ST3GAL4: variants seen among roughly 807,000 people sequenced by gnomAD.
ST3GAL4 encodes ST3 beta-galactoside alpha-2,3-sialyltransferase 4, also known as CMP-N-acetylneuraminate-beta-galactosamide-alpha-2,3-sialyltransferase 4.
In ST3GAL4, 24 loss-of-function variants were observed where a neutral mutation model predicts 42.6. The ratio of observed to expected loss-of-function variants is 0.56; its 90% CI spans 0.41 to 0.79. ST3GAL4 has a LOEUF of 0.79. ST3GAL4 is among the 30% of genes least tolerant of loss of function. ST3GAL4 has a pLI of 0.00. For synonymous variants in ST3GAL4, 135 were observed against 163.2 expected (o/e 0.83, Z 1.32); for missense variants, 311 against 430.8 (o/e 0.72, Z 2.46).
At position 126,411,093 on chromosome 11, in the gene ST3GAL4, AC is replaced by A. The variant is rs1213325752; in HGVS notation, c.771+1685del. Among the ~76,000 whole-genome samples the A allele has an allele frequency of 1.3e-5, 2 of 151,940 alleles. No individual in the cohort carries two copies. The highest frequency in any genetic ancestry group is 2.9e-5 in the Non-Finnish European group (2 of 67,972). ...GAGATGAGAGAGGGCGAGGACCTGA[AC>A]CCAGCTCCTGGCAGTGGGAAGGGAA... On this transcript the variant is annotated intron_variant, in intron 9 of 10. Coordinates refer to ENST00000444328, the MANE Select transcript of ST3GAL4 (RefSeq NM_001254757.2). This position sits in a 1 kb window ranked among gnomAD's most constrained non-coding sequence, Gnocchi z 6.3.
Position 126,400,541 on chromosome 11 carries a change from A to G in ST3GAL4, c.-60-5555A>G, listed in dbSNP as rs1953955235. Among the ~76,000 whole-genome samples the G allele has an allele frequency of 6.6e-6, 1 of 152,214 alleles. No individual in the cohort carries two copies. The highest frequency in any genetic ancestry group is 2.4e-5 in the African/African-American group (1 of 41,452). On this transcript the variant is annotated intron_variant, in intron 1 of 10. Coordinates refer to ENST00000444328, the MANE Select transcript of ST3GAL4 (RefSeq NM_001254757.2). This position sits in a 1 kb window ranked among gnomAD's most constrained non-coding sequence, Gnocchi z 4.6. ...CCCTTAGTGTGCTTGGGAGGAGGGT[A>G]AGAGATGCGTTTGCAGTTCTCATGG...
rs1954411802 is a variant in ST3GAL4 at position 126,409,274 on chromosome 11, A to C, written c.634A>C (p.Lys212Gln). 4.3e-6 allele frequency: 7 copies of C among 1,614,086 alleles called. No individual in the cohort carries two copies. Among genetic ancestry groups the C allele is most frequent in the African/African-American group, 1.3e-5 (1 of 74,932 alleles). Residue 212 changes from lysine to glutamine, a missense_variant, in exon 9 of 11, where the codon AAG becomes CAG. By Grantham distance (53) the Lys-to-Gln change is moderately conservative (BLOSUM62 1). Coordinates refer to ENST00000444328, the MANE Select transcript of ST3GAL4 (RefSeq NM_001254757.2). The surrounding 1 kb of genome is among the most constrained non-coding windows in gnomAD (Gnocchi z 4.9). ...TILSDKKRVR[K>Q]GFWKQPPLIW... Reference sequence around the variant, plus strand: ...TCTGACCCCATCCTCCTAGGTGCGAAAGGGTTTCTGGAAACAGCCTCCCCT... The same window carrying C: ...TCTGACCCCATCCTCCTAGGTGCGACAGGGTTTCTGGAAACAGCCTCCCCT...
chr11:126,374,041 C>T (rs1952746576), intron 1 of ST3GAL4, among the ~76,000 whole-genome samples: 3 of 152,006 alleles, frequency 2.0e-5, no homozygotes, highest in African/African-American at 7.2e-5. Flanking sequence ...GCACTATTGT[C>T]AACATGGGTA....
chr11:126,382,640 TG>T, intron 1 of ST3GAL4, among the ~76,000 whole-genome samples: 1 of 152,294 alleles, frequency 6.6e-6, no homozygotes, highest in Admixed American at 6.5e-5. Context: ...GCACTTGGCA[TG>T]ACCCCTGGCA....
At chr11:126,370,441 A>G (rs549966438) in intron 1 of ST3GAL4, among the ~76,000 whole-genome samples, 69 of 152,192 alleles carry the variant, frequency 4.5e-4, no homozygotes, top group African/African-American at 1.6e-3. Flanking sequence ...CTTATTTTTA[A>G]ATTATGTTCC....
At chr11:126,413,903 C>T in intron 10 of ST3GAL4, 58 bp from the exon 11 acceptor site, 2 of 1,597,664 alleles carry the variant, frequency 1.3e-6, no homozygotes, top group Non-Finnish European at 1.7e-6. Context: ...GGAGACTTTC[C>T]TGGGGACAGA....
intron 6 of ST3GAL4, 150 bp downstream of exon 6, chr11:126,407,784 TG>T: frequency 2.2e-6 from 2 of 918,434 alleles, no homozygotes; most frequent in South Asian, 3.2e-5. Context: ...CCTGGGCATC[TG>T]GGTGCAGAGT....
intron 1 of ST3GAL4, chr11:126,403,115 G>A (rs1032032257): frequency 6.5e-6 from 1 of 152,740 alleles, no homozygotes; most frequent in African/African-American, 2.4e-5. Context: ...GCCCTGGAAT[G>A]CCTGGGGCCA....
rs1952738817 is a variant in ST3GAL4 at position 126,373,811 on chromosome 11, G to A, written c.-61+17969G>A. On this transcript the variant is annotated intron_variant, in intron 1 of 10. Coordinates refer to ENST00000444328, the MANE Select transcript of ST3GAL4 (RefSeq NM_001254757.2). The surrounding 1 kb of genome is among the most constrained non-coding windows in gnomAD (Gnocchi z 5.5). Reference sequence around the variant, plus strand: ...GCTCTCTGCCAACTCTAATGAGCCAGGAAGCCTCCCCGTGCCCAGGCGTGC... The same window carrying A: ...GCTCTCTGCCAACTCTAATGAGCCAAGAAGCCTCCCCGTGCCCAGGCGTGC... 2.0e-5 allele frequency among the ~76,000 whole-genome samples: 3 copies of A among 152,056 alleles called. No individual in the cohort carries two copies. Among genetic ancestry groups the A allele is most frequent in the Admixed American group, 2.0e-4 (3 of 15,254 alleles).
intron 1 of ST3GAL4, among the ~76,000 whole-genome samples, chr11:126,375,295 C>T (rs1013005870): frequency 2.0e-5 from 3 of 152,182 alleles, no homozygotes; most frequent in Non-Finnish European, 2.9e-5. Context: ...GACTGTGTCT[C>T]GTGCGGAAGC....
At chr11:126,361,390 CA>C (rs1463668427) in intron 1 of ST3GAL4, among the ~76,000 whole-genome samples, 1 of 150,018 alleles carries the variant, frequency 6.7e-6, no homozygotes, top group East Asian at 1.9e-4. Context: ...TGAAAACCCC[CA>C]TTGAGTTCCA....
At chr11:126,370,708 G>A (rs1397877775) in intron 1 of ST3GAL4, among the ~76,000 whole-genome samples, 4 of 146,934 alleles carry the variant, frequency 2.7e-5, no homozygotes, top group Non-Finnish European at 5.9e-5. Context: ...ATGGAGACTC[G>A]CTCTGTCACC....
In ST3GAL4 at chr11:126,408,105, G is replaced by T. The variant is rs1954339317; in HGVS notation, c.348G>T (p.Arg116Ser). The T allele has an allele frequency of 2.1e-5, 34 of 1,613,672 alleles. No individual in the cohort carries two copies. Among genetic ancestry groups the T allele is most frequent in the Non-Finnish European group, 2.8e-5 (33 of 1,179,890 alleles). Reference protein sequence around the residue: ...SSIPKNIQSLRCRRCVVVGNG... With the variant: ...SSIPKNIQSLSCRRCVVVGNG... ...ACTCCTCTTTCTATGGCAGCCTCAG[G>T]TGCCGCCGCTGTGTGGTCGTGGGGA... The change falls in exon 7 of 11, where the codon AGG (arginine) becomes AGT (serine). Residue 116 changes from arginine (R) to serine (S), a missense_variant. Coordinates refer to ENST00000444328, the MANE Select transcript of ST3GAL4 (RefSeq NM_001254757.2).
chr11:126,381,608 C>T (rs1293163319), intron 1 of ST3GAL4, among the ~76,000 whole-genome samples: 3 of 145,508 alleles, frequency 2.1e-5, no homozygotes, highest in South Asian at 4.5e-4. Context: ...AGTTCTGCCT[C>T]CTGCTTCCTG....
rs1953495510 is a variant in ST3GAL4, at chr11:126,391,082, C to T, written c.-60-15014C>T. Among the ~76,000 whole-genome samples, 1 of 152,140 alleles carries T rather than the reference C, an allele frequency of 6.6e-6. No individual in the cohort carries two copies. Among genetic ancestry groups the T allele is most frequent in the Admixed American group, 6.5e-5 (1 of 15,270 alleles). Reference sequence around the variant, plus strand: ...GACCACATTTTGTGGATCCGTTCATCCACTGATGGACGCTTGGGGGTTGCT... The same window carrying T: ...GACCACATTTTGTGGATCCGTTCATTCACTGATGGACGCTTGGGGGTTGCT... On this transcript the variant is annotated intron_variant, in intron 1 of 10. Coordinates refer to ENST00000444328, the MANE Select transcript of ST3GAL4 (RefSeq NM_001254757.2). The surrounding 1 kb of genome is among the most constrained non-coding windows in gnomAD (Gnocchi z 5.5).
chr11:126,358,155 T>C (rs1454098993), intron 1 of ST3GAL4, among the ~76,000 whole-genome samples: 1 of 152,214 alleles, frequency 6.6e-6, no homozygotes, highest in African/African-American at 2.4e-5. Flanking sequence ...CAGTGCAGGG[T>C]GGGACACCCC....
At position 126,411,563 on chromosome 11, in the gene ST3GAL4, G is replaced by A. The variant is rs147287378; in HGVS notation, c.772-1942G>A. 7.9e-5 allele frequency among the ~76,000 whole-genome samples: 12 copies of A among 152,290 alleles called. 2 individuals are homozygous for A. The highest frequency in any genetic ancestry group is 2.9e-4 in the African/African-American group (12 of 41,556). On this transcript the variant is annotated intron_variant, in intron 9 of 10. Transcript: ENST00000444328. This position sits in a 1 kb window ranked among gnomAD's most constrained non-coding sequence, Gnocchi z 6.3. ...GTGTGGCTGGTTCTCTGTTTAGGGTGTCACAAGGCTGGACTCGGTGTGTCA... is the reference window on the plus strand; with the variant it reads ...GTGTGGCTGGTTCTCTGTTTAGGGTATCACAAGGCTGGACTCGGTGTGTCA...
At position 126,384,276 on chromosome 11, in the gene ST3GAL4, G is replaced by C. The variant is rs1021275075; in HGVS notation, c.-60-21820G>C. Among the ~76,000 whole-genome samples the C allele has an allele frequency of 2.0e-5, 3 of 152,154 alleles. No homozygotes were observed. Among genetic ancestry groups the C allele is most frequent in the African/African-American group, 7.2e-5 (3 of 41,426 alleles). On this transcript the variant is annotated intron_variant, in intron 1 of 10. Coordinates refer to ENST00000444328, the MANE Select transcript of ST3GAL4 (RefSeq NM_001254757.2). The surrounding 1 kb of genome is among the most constrained non-coding windows in gnomAD (Gnocchi z 5.5). ...GTCTGCCGAGTGAGGCAGAGGAAAG[G>C]GGTTTCTGAGCCCAGATCTCCGGTG... is the stretch of plus-strand genomic sequence containing the variant.
At chr11:126,368,407 C>T (rs1210488556) in intron 1 of ST3GAL4, among the ~76,000 whole-genome samples, 1 of 152,238 alleles carries the variant, frequency 6.6e-6, no homozygotes, top group Non-Finnish European at 1.5e-5. Context: ...GCCCTCAGGC[C>T]CTGTGGCTCC....
Sources: allele counts gnomAD v4.1 joint callset (sites outside exome capture counted in the v4.1 genomes callset), GRCh38; gene constraint gnomAD v4.1.1; non-coding constraint Gnocchi (gnomAD v3.1); transcripts MANE v1.5; gene names NCBI Gene and HGNC (gene_info 2026-07-23, HGNC 2026-07-21).